SPAG16: variants seen among roughly 807,000 people sequenced by gnomAD.
SPAG16 encodes sperm-associated antigen 16 protein.
Under a neutral mutation model 80.4 loss-of-function variants are expected in SPAG16, and 86 were observed. The ratio of observed to expected loss-of-function variants is 1.07; its 90% CI spans 0.90 to 1.28. The LOEUF (loss-of-function observed/expected upper bound fraction) is 1.28, where lower values mean the gene tolerates loss of function less well. Ranked by LOEUF, SPAG16 falls within the 50% of genes most tolerant of loss-of-function variation. The pLI, the probability that SPAG16 is intolerant of heterozygous loss-of-function variation, is 0.00. For synonymous variants in SPAG16, 294 were observed against 265.9 expected, an observed-to-expected ratio of 1.11 and a Z score of -1.03; for missense variants, 870 against 765.3, an observed-to-expected ratio of 1.14 and a Z score of -1.61.
intron 10 of SPAG16, among the ~76,000 whole-genome samples, chr2:213,645,424 G>A (rs938763792): frequency 2.0e-5 from 3 of 152,142 alleles, no homozygotes; most frequent in Non-Finnish European, 2.9e-5. Context: ...CCTGGGTATC[G>A]CTGCTGGTTA....
At chr2:214,278,481 G>A (rs1452764514) in intron 15 of SPAG16, among the ~76,000 whole-genome samples, 1 of 152,120 alleles carries the variant, frequency 6.6e-6, no homozygotes, top group East Asian at 1.9e-4. Context: ...AGGTATGAAA[G>A]ATTATTGACC....
intron 10 of SPAG16, among the ~76,000 whole-genome samples, chr2:213,575,683 A>G (rs2060099742): frequency 6.6e-6 from 1 of 152,106 alleles, no homozygotes; most frequent in South Asian, 2.1e-4. Flanking sequence ...TTATATTTTT[A>G]TTCATTCAAT....
chr2:213,981,465 A>G (rs2106417442), intron 12 of SPAG16, among the ~76,000 whole-genome samples: 1 of 152,198 alleles, frequency 6.6e-6, no homozygotes, highest in East Asian at 1.9e-4. Context: ...GTTCCCAATA[A>G]TTAAGTTACT....
chr2:213,878,761 C>T lies in SPAG16; in HGVS notation c.1214+16133C>T, dbSNP rs142203140. 3.9e-3 allele frequency among the ~76,000 whole-genome samples: 586 copies of T among 151,942 alleles called. 2 individuals carry two copies. The highest frequency in any genetic ancestry group is 6.6e-3 in the Non-Finnish European group (447 of 67,842). ...CATCCAGAAGAGTTTTCTCTGTTTTCATCATTTTAATAGTTTCGAGTGTTA... is the reference window on the plus strand; with the variant it reads ...CATCCAGAAGAGTTTTCTCTGTTTTTATCATTTTAATAGTTTCGAGTGTTA... On this transcript the variant is annotated intron_variant, in intron 11 of 15. Coordinates refer to ENST00000331683, the MANE Select transcript of SPAG16 (RefSeq NM_024532.5).
At chr2:213,976,152 ACACG>A in intron 12 of SPAG16, among the ~76,000 whole-genome samples, 1 of 147,148 alleles carries the variant, frequency 6.8e-6, no homozygotes, top group South Asian at 2.2e-4. Context: ...ACACACACAC[ACACG>A]TATGTATATA....
Position 213,782,881 on chromosome 2 carries a change from ACT to A in SPAG16, c.1071-79601_1071-79600del, listed in dbSNP as rs149733791. On this transcript the variant is annotated intron_variant, in intron 10 of 15. Transcript: ENST00000331683. Reference sequence around the variant, plus strand: ...AAGCAAACTTTCATTATCTCATTTAACTCTGGGTGCTTCTGTAAAAGAGTTCT... The same window carrying A: ...AAGCAAACTTTCATTATCTCATTTAACTGGGTGCTTCTGTAAAAGAGTTCT... Among the ~76,000 whole-genome samples the A allele has an allele frequency of 9.4e-3, 1,434 of 152,272 alleles. 12 individuals are homozygous for A. Among genetic ancestry groups the A allele is most frequent in the Middle Eastern group, 0.02 (6 of 294 alleles).
At chr2:214,047,048 T>C (rs1185225544) in intron 13 of SPAG16, among the ~76,000 whole-genome samples, 1 of 152,008 alleles carries the variant, frequency 6.6e-6, no homozygotes, top group Non-Finnish European at 1.5e-5. Flanking sequence ...ATGCCAAAAA[T>C]GGAAAGATAT....
intron 10 of SPAG16, among the ~76,000 whole-genome samples, chr2:213,509,276 C>T (rs966540481): frequency 1.3e-5 from 2 of 152,006 alleles, no homozygotes; most frequent in African/African-American, 4.8e-5. Context: ...GATTTCTATA[C>T]AATATTTTCT....
intron 1 of SPAG16, among the ~76,000 whole-genome samples, chr2:213,284,972 A>C (rs972055353): frequency 2.6e-5 from 4 of 152,224 alleles, no homozygotes; most frequent in Non-Finnish European, 5.9e-5. Context: ...TTCCTAAATA[A>C]GCCCTCAATC....
intron 10 of SPAG16, among the ~76,000 whole-genome samples, chr2:213,498,025 G>A (rs1365741336): frequency 2.0e-5 from 3 of 152,174 alleles, no homozygotes; most frequent in African/African-American, 7.2e-5. Context: ...CAGAATGTCA[G>A]AGAAGATGGT....
At chr2:213,755,198 T>C (rs569129364) in intron 10 of SPAG16, among the ~76,000 whole-genome samples, 5 of 152,326 alleles carry the variant, frequency 3.3e-5, no homozygotes, top group African/African-American at 1.2e-4. Context: ...GTCTTTGAAA[T>C]AAAAAGATGT....
At position 214,065,883 on chromosome 2, in the gene SPAG16, A is replaced by G. The variant is rs372597073; in HGVS notation, c.1528-42313A>G. 2.6e-5 allele frequency among the ~76,000 whole-genome samples: 4 copies of G among 152,140 alleles called. No homozygotes were observed. The East Asian group carries it at 5.8e-4, about 22-fold the overall frequency. On this transcript the variant is annotated intron_variant, in intron 13 of 15. Transcript: ENST00000331683. ...CATAATGTTTGACTTCTGTTTGACCAGCTCCTCTCTCCAAACTTTGTCAAC... is the reference window on the plus strand; with the variant it reads ...CATAATGTTTGACTTCTGTTTGACCGGCTCCTCTCTCCAAACTTTGTCAAC...
intron 13 of SPAG16, among the ~76,000 whole-genome samples, chr2:214,020,838 T>G (rs781084394): frequency 2.6e-5 from 4 of 152,232 alleles, no homozygotes; most frequent in Non-Finnish European, 5.9e-5. Flanking sequence ...GAAAATTCTT[T>G]TTCTACATGT....
chr2:213,523,475 G>A (rs999946908), intron 10 of SPAG16, among the ~76,000 whole-genome samples: 1 of 152,202 alleles, frequency 6.6e-6, no homozygotes, highest in African/African-American at 2.4e-5. Context: ...ACCCAAAAAT[G>A]TGGAAGTGAC....
intron 10 of SPAG16, among the ~76,000 whole-genome samples, chr2:213,508,372 A>T (rs1393112598): frequency 6.6e-6 from 1 of 152,170 alleles, no homozygotes; most frequent in Admixed American, 6.5e-5. Flanking sequence ...GGAGATCGAG[A>T]CCATCCTGAC....
At chr2:213,863,712 A>T (rs2075575758) in intron 11 of SPAG16, among the ~76,000 whole-genome samples, 1 of 152,082 alleles carries the variant, frequency 6.6e-6, no homozygotes. Context: ...CCAATCGCTT[A>T]TGTAGCTACT....
At chr2:213,565,126 A>AC (rs2059718303) in intron 10 of SPAG16, among the ~76,000 whole-genome samples, 1 of 152,036 alleles carries the variant, frequency 6.6e-6, no homozygotes, top group Admixed American at 6.6e-5. Flanking sequence ...GCCTAGCTCT[A>AC]CCCCCAGCAC....
chr2:213,448,319 T>C (rs1427782276), intron 9 of SPAG16, among the ~76,000 whole-genome samples: 1 of 152,228 alleles, frequency 6.6e-6, no homozygotes, highest in East Asian at 1.9e-4. Flanking sequence ...TAATTTATCC[T>C]TGGAGATAAC....
chr2:213,291,945 G>C (rs936111796), intron 1 of SPAG16, among the ~76,000 whole-genome samples: 40 of 152,184 alleles, frequency 2.6e-4, no homozygotes, highest in African/African-American at 9.4e-4. Context: ...TAAAATGGTA[G>C]TTATGTACTC....
Sources: gnomAD v4.1 joint callset for allele counts (sites outside exome capture counted in the v4.1 genomes callset) on GRCh38, gnomAD v4.1.1 for gene constraint, MANE v1.5 for transcripts, NCBI Gene and HGNC (gene_info 2026-07-23, HGNC 2026-07-21) for gene names.